RYR2: variants seen among roughly 807,000 people sequenced by gnomAD.
RYR2 encodes ryanodine receptor 2.
A neutral mutation model predicts 601.1 loss-of-function variants in RYR2; 227 were observed. The observed-to-expected ratio is 0.38, with a 90% CI of 0.34 to 0.42. The LOEUF is 0.42. RYR2 is among the 10% of genes least tolerant of loss of function. The pLI is 1.00. For synonymous variants in RYR2, 2,223 were observed against 2,175.1 expected (o/e 1.02, Z -0.61); for missense variants, 4,646 against 6,156.5 (o/e 0.75, Z 8.21).
intron 27 of RYR2, among the ~76,000 whole-genome samples, chr1:237,556,714 A>C (rs1383364143): frequency 6.6e-6 from 1 of 151,860 alleles, no homozygotes; most frequent in African/African-American, 2.4e-5. Context: ...CAGTGTAGAC[A>C]GGGAAAATAG....
intron 1 of RYR2, among the ~76,000 whole-genome samples, chr1:237,224,909 G>A (rs1255187872): frequency 6.6e-6 from 1 of 152,120 alleles, no homozygotes; most frequent in Non-Finnish European, 1.5e-5. Context: ...TTACAGGTGA[G>A]GAAACTGAGG....
intron 12 of RYR2, among the ~76,000 whole-genome samples, chr1:237,439,737 T>C (rs1328455512): frequency 6.6e-6 from 1 of 151,914 alleles, no homozygotes; most frequent in Non-Finnish European, 1.5e-5. Context: ...AAAGAAAGCA[T>C]AATTTCACAA....
chr1:237,695,469 T>C (rs1687337718), intron 63 of RYR2, among the ~76,000 whole-genome samples: 1 of 152,134 alleles, frequency 6.6e-6, no homozygotes, highest in Non-Finnish European at 1.5e-5. Context: ...AGTTGAAAAG[T>C]ATCAATCTTT....
At position 237,380,359 on chromosome 1, in the gene RYR2, A is replaced by AATATATATATAT. The variant is rs57204036; in HGVS notation, c.576+2976_576+2987dup. Among the ~76,000 whole-genome samples the AATATATATATAT allele has an allele frequency of 5.1e-4, 15 of 29,312 alleles. 3 individuals carry two copies. The highest frequency in any genetic ancestry group is 5.7e-4 in the Non-Finnish European group (8 of 14,104). 19.2% of individuals were successfully genotyped at this position (29,312 alleles called of 152,430 possible). Reference sequence around the variant, plus strand: ...GCACACTTGCCTTGTAGAATACACAAATATATATATATATATATATATATA... The same window carrying AATATATATATAT: ...GCACACTTGCCTTGTAGAATACACAAATATATATATATATATATATATATATATATATATATA... On this transcript the variant is annotated intron_variant, in intron 8 of 104. Coordinates refer to ENST00000366574, the MANE Select transcript of RYR2 (RefSeq NM_001035.3).
Position 237,746,061 on chromosome 1 carries a change from C to T in RYR2, c.11145+3712C>T, listed in dbSNP as rs115649793. Among the ~76,000 whole-genome samples, 100 of 152,044 alleles carry T rather than the reference C, an allele frequency of 6.6e-4. 1 individual carries two copies. The highest frequency in any genetic ancestry group is 2.4e-3 in the African/African-American group (98 of 41,452). On this transcript the variant is annotated intron_variant, in intron 80 of 104. Transcript: ENST00000366574. ...GAAACAGAGATATATATAATTAATTCCCTATAAAGATACTCTTCTCTGAGG... is the reference window on the plus strand; with the variant it reads ...GAAACAGAGATATATATAATTAATTTCCTATAAAGATACTCTTCTCTGAGG...
At chr1:237,397,273 G>T (rs1702940193) in intron 10 of RYR2, among the ~76,000 whole-genome samples, 2 of 151,976 alleles carry the variant, frequency 1.3e-5, no homozygotes, top group African/African-American at 2.4e-5. Flanking sequence ...ATGATAAATT[G>T]TGTTAACAGA....
chr1:237,723,010 A>C (rs1689879612), intron 73 of RYR2, 118 bp from the exon 74 acceptor site: 1 of 813,142 alleles, frequency 1.2e-6, no homozygotes, highest in African/African-American at 1.7e-5. Context: ...TCATGTCTTA[A>C]CTGGTAAACA....
chr1:237,168,483 G>T (rs922428734), intron 1 of RYR2, among the ~76,000 whole-genome samples: 2 of 152,122 alleles, frequency 1.3e-5, no homozygotes, highest in African/African-American at 4.8e-5. Flanking sequence ...TATTTCTTAA[G>T]AGGACTGATT....
At chr1:237,586,407 C>T (rs993349514) in intron 29 of RYR2, among the ~76,000 whole-genome samples, 5 of 152,114 alleles carry the variant, frequency 3.3e-5, no homozygotes, top group African/African-American at 4.8e-5. Flanking sequence ...AAGCATTATA[C>T]ATACAAGATC....
intron 26 of RYR2, among the ~76,000 whole-genome samples, chr1:237,549,086 G>GGCAT (rs1670114658): frequency 6.6e-6 from 1 of 152,166 alleles, no homozygotes; most frequent in Non-Finnish European, 1.5e-5. Flanking sequence ...GCACAAGGGA[G>GGCAT]GCATGGTCAT....
At chr1:237,178,416 C>CTGTGTGTGTG (rs201867544) in intron 1 of RYR2, among the ~76,000 whole-genome samples, 13 of 129,786 alleles carry the variant, frequency 1.0e-4, no homozygotes, top group Admixed American at 3.9e-4. Flanking sequence ...AGTTAAGGCT[C>CTGTGTGTGTG]TGTGTGTGTG....
At chr1:237,116,611 C>T (rs1005332590) in intron 1 of RYR2, among the ~76,000 whole-genome samples, 7 of 152,026 alleles carry the variant, frequency 4.6e-5, no homozygotes, top group African/African-American at 1.7e-4. Flanking sequence ...GAGAAATGGG[C>T]TCACATGATT....
At chr1:237,061,688 C>G (rs1275608000) in intron 1 of RYR2, among the ~76,000 whole-genome samples, 1 of 152,126 alleles carries the variant, frequency 6.6e-6, no homozygotes, top group Non-Finnish European at 1.5e-5. Context: ...TTGCAAATAT[C>G]TTTTCCAACA....
Position 237,698,991 on chromosome 1 carries a change from T to G in RYR2, c.9094T>G (p.Cys3032Gly), listed in dbSNP as rs193007458. The change falls in exon 64 of 105, where the codon TGT (cysteine) becomes GGT (glycine). Residue 3032 changes from cysteine (C) to glycine (G), a missense_variant. By Grantham distance (159) the Cys-to-Gly change is radical (BLOSUM62 -3). Around this residue, in one of 17 missense-constraint regions of RYR2, gnomAD observed 1,497 missense variants for 1,842.6 expected, o/e 0.81. Coordinates refer to ENST00000366574, the MANE Select transcript of RYR2 (RefSeq NM_001035.3). The stretch of plus-strand genomic sequence containing the variant: ...CAATGATGCAACATCAATTGTCAAC[T>G]GTCTTCATATTTTGGGTCAGACTTT... The part of the protein sequence containing the change: ...FGNDATSIVN[C>G]LHILGQTLDA... The G allele has an allele frequency of 1.2e-5, 18 of 1,557,470 alleles. No individual in the cohort carries two copies. The highest frequency in any genetic ancestry group is 3.7e-5 in the Admixed American group (2 of 53,824).
chr1:237,487,381 T>C (rs1197974314), intron 17 of RYR2, among the ~76,000 whole-genome samples: 2 of 152,016 alleles, frequency 1.3e-5, no homozygotes, highest in Non-Finnish European at 1.5e-5. Context: ...TTTTTTATTA[T>C]ACAAAAGCAC....
At chr1:237,686,893 T>C (rs1423775313) in intron 62 of RYR2, among the ~76,000 whole-genome samples, 1 of 152,206 alleles carries the variant, frequency 6.6e-6, no homozygotes, top group East Asian at 1.9e-4. Context: ...CCTACTTTAC[T>C]GTATTCAAAT....
chr1:237,540,612 C>T (rs905791603), intron 25 of RYR2, among the ~76,000 whole-genome samples: 2 of 151,476 alleles, frequency 1.3e-5, no homozygotes, highest in South Asian at 2.1e-4. Context: ...GAGGCTGAGG[C>T]GGGAGAATCA....
intron 1 of RYR2, among the ~76,000 whole-genome samples, chr1:237,155,183 T>TC (rs977297865): frequency 6.8e-5 from 10 of 146,832 alleles, no homozygotes; most frequent in East Asian, 2.0e-4. Context: ...TCTTTTCTTT[T>TC]TTTTTTTTTT....
At chr1:237,053,648 G>A (rs969646006) in intron 1 of RYR2, among the ~76,000 whole-genome samples, 5 of 152,178 alleles carry the variant, frequency 3.3e-5, no homozygotes, top group Admixed American at 2.6e-4. Context: ...CCTGCTACGT[G>A]CCATGCTTCT....
Sources: allele counts gnomAD v4.1 joint callset (sites outside exome capture counted in the v4.1 genomes callset), GRCh38; gene constraint gnomAD v4.1.1; regional missense constraint gnomAD v4.1.1; transcripts MANE v1.5; gene names NCBI Gene and HGNC (gene_info 2026-07-23, HGNC 2026-07-21).